The following RORA variants were observed in gnomAD, a reference collection of about 807,000 sequenced individuals.
RORA encodes the protein nuclear receptor ROR-alpha.
Under a neutral mutation model 69.5 loss-of-function variants are expected in RORA, and 7 were observed. The ratio of observed to expected loss-of-function variants is 0.10; its 90% CI spans 0.06 to 0.19. RORA has a LOEUF of 0.19. Among genes scored for constraint, RORA ranks in the 10% least tolerant of loss-of-function variants. RORA has a pLI of 1.00. For synonymous variants in RORA, 261 were observed against 240.8 expected, an observed-to-expected ratio of 1.08 and a Z score of -0.78; for missense variants, 457 against 663.0, an observed-to-expected ratio of 0.69 and a Z score of 3.41.
chr15:61,211,008 G>A (rs1311323266), intron 1 of RORA, among the ~76,000 whole-genome samples: 1 of 152,218 alleles, frequency 6.6e-6, no homozygotes, highest in Non-Finnish European at 1.5e-5. Flanking sequence ...TAACCAGCTG[G>A]TTAGATTTCA....
At chr15:61,228,358 G>A (rs1367136725) in intron 1 of RORA, among the ~76,000 whole-genome samples, 2 of 150,524 alleles carry the variant, frequency 1.3e-5, no homozygotes, top group African/African-American at 4.9e-5. Context: ...TCCCCTCGCC[G>A]CGCCCGCCAG....
chr15:61,041,845 G>A (rs569671295), intron 1 of RORA, among the ~76,000 whole-genome samples: 3 of 152,340 alleles, frequency 2.0e-5, no homozygotes, highest in Admixed American at 6.5e-5. Flanking sequence ...AGGACTTAAC[G>A]TCAGTCAGTT....
chr15:60,762,208 T>A (rs1384467598), intron 1 of RORA, among the ~76,000 whole-genome samples: 2 of 152,230 alleles, frequency 1.3e-5, no homozygotes, highest in African/African-American at 4.8e-5. Context: ...ATGGAATTTC[T>A]AGGTGAGTCT....
chr15:60,799,472 G>A (rs376837575), intron 1 of RORA, among the ~76,000 whole-genome samples: 2 of 152,026 alleles, frequency 1.3e-5, no homozygotes, highest in Admixed American at 6.6e-5. Context: ...TGTCTGGCAC[G>A]TCTTTATAAG....
In RORA at chr15:60,499,986, T is replaced by G; in HGVS notation, c.1313A>C (p.Glu438Ala). 6.2e-7 allele frequency: 1 copy of G among 1,611,660 alleles called. No individual in the cohort carries two copies. The highest frequency in any genetic ancestry group is 8.5e-7 in the Non-Finnish European group (1 of 1,178,144). Residue 438 changes from glutamate to alanine, a missense_variant, in exon 10 of 11, where the codon GAA becomes GCA. Glu to Ala is a moderately radical substitution (Grantham distance 107, BLOSUM62 -1). Transcript: ENST00000335670. ...TTGCAGTTTTTCAATTTTTACCTTT[T>G]CTTGCAGCCATGAGCGATCTAAGCA... ...LMSADRSWLQ[E>A]KVKIEKLQQK... is the part of the protein sequence containing the mutation.
At chr15:60,932,033 GT>G (rs200233730) in intron 1 of RORA, among the ~76,000 whole-genome samples, 13 of 148,862 alleles carry the variant, frequency 8.7e-5, no homozygotes, top group Admixed American at 3.3e-4. Flanking sequence ...TGAATCAAGA[GT>G]TTTTTTTTTT....
intron 1 of RORA, among the ~76,000 whole-genome samples, chr15:61,040,517 AT>A (rs200102555): frequency 2.0e-5 from 3 of 149,366 alleles, no homozygotes; most frequent in African/African-American, 4.9e-5. Flanking sequence ...TCCGGGCTTT[AT>A]TTTTTTTTCT....
At chr15:60,630,415 G>A (rs1009467846) in intron 2 of RORA, 4 of 152,214 alleles carry the variant, frequency 2.6e-5, no homozygotes, top group African/African-American at 9.6e-5. Context: ...CACGATGGCT[G>A]AACTCTGCTA....
intron 1 of RORA, among the ~76,000 whole-genome samples, chr15:61,170,110 G>A (rs144318597): frequency 2.8e-4 from 42 of 152,284 alleles, no homozygotes; most frequent in African/African-American, 8.9e-4. Flanking sequence ...TTTGTCAAGT[G>A]GGTTGAGTCA....
At chr15:61,123,398 T>C (rs969095550) in intron 1 of RORA, among the ~76,000 whole-genome samples, 3 of 152,110 alleles carry the variant, frequency 2.0e-5, no homozygotes, top group African/African-American at 4.8e-5. Context: ...CCCAAGATAA[T>C]GTAAGGGCAG....
At chr15:60,553,069 C>G (rs2140396678) in intron 2 of RORA, among the ~76,000 whole-genome samples, 1 of 152,218 alleles carries the variant, frequency 6.6e-6, no homozygotes. Flanking sequence ...TGTTATGAGG[C>G]TCAAATGCAA....
intron 2 of RORA, chr15:60,650,812 A>G (rs2070131875): frequency 6.6e-6 from 1 of 152,198 alleles, no homozygotes; most frequent in Non-Finnish European, 1.5e-5. Context: ...TTTGTTTTAT[A>G]AATCTATTTA....
chr15:60,628,295 A>G (rs1308929060), intron 2 of RORA, among the ~76,000 whole-genome samples: 1 of 152,166 alleles, frequency 6.6e-6, no homozygotes, highest in Non-Finnish European at 1.5e-5. Context: ...ACTGGTCAGC[A>G]GTGTTGTAGA....
At chr15:60,639,966 G>T (rs1262466405) in intron 2 of RORA, among the ~76,000 whole-genome samples, 2 of 152,296 alleles carry the variant, frequency 1.3e-5, no homozygotes, top group Admixed American at 1.3e-4. Flanking sequence ...CCCTATCATT[G>T]CTTTGGAAAA....
At chr15:60,882,849 T>A (rs1220333487) in intron 1 of RORA, among the ~76,000 whole-genome samples, 1 of 152,146 alleles carries the variant, frequency 6.6e-6, no homozygotes, top group Non-Finnish European at 1.5e-5. Flanking sequence ...GCAGAAAGAA[T>A]AAGAAACTAT....
chr15:60,722,641 T>C (rs2071308156), intron 1 of RORA, among the ~76,000 whole-genome samples: 1 of 152,202 alleles, frequency 6.6e-6, no homozygotes, highest in African/African-American at 2.4e-5. Flanking sequence ...CTGACTTCCC[T>C]GGACTTGCTT....
chr15:61,169,987 T>A (rs1470578547), intron 1 of RORA, among the ~76,000 whole-genome samples: 2 of 152,182 alleles, frequency 1.3e-5, no homozygotes, highest in Non-Finnish European at 2.9e-5. Flanking sequence ...TCCATCATAA[T>A]AGTTCTAAGC....
chr15:60,888,462 GCACA>G (rs140210215), intron 1 of RORA, among the ~76,000 whole-genome samples: 2 of 151,318 alleles, frequency 1.3e-5, no homozygotes, highest in Non-Finnish European at 3.0e-5. Context: ...GTGTGCACAT[GCACA>G]CACACACACA....
intron 1 of RORA, among the ~76,000 whole-genome samples, chr15:61,189,329 C>A (rs1394603437): frequency 6.6e-6 from 1 of 152,190 alleles, no homozygotes; most frequent in Non-Finnish European, 1.5e-5. Flanking sequence ...ACATAAATAA[C>A]ATCCAGTGCC....
Sources: gnomAD v4.1 joint callset for allele counts (sites outside exome capture counted in the v4.1 genomes callset) on GRCh38, gnomAD v4.1.1 for gene constraint, MANE v1.5 for transcripts, NCBI Gene and HGNC (gene_info 2026-07-23, HGNC 2026-07-21) for gene names.